Variants in NAV2 observed in about 807,000 individuals in gnomAD.
NAV2 encodes neuron navigator 2.
Under a neutral mutation model 223.2 loss-of-function variants are expected in NAV2, and 54 were observed. The observed-to-expected ratio is 0.24, with a 90% CI of 0.19 to 0.30. The LOEUF is 0.30. NAV2 is among the 10% of genes least tolerant of loss of function. The probability of loss-of-function intolerance (pLI) is 1.00; values close to 1 mark genes in which losing one functional copy is unlikely to be tolerated. For synonymous variants in NAV2, 1,279 were observed against 1,239.3 expected (o/e 1.03, Z -0.67); for missense variants, 2,806 against 3,147.5 (o/e 0.89, Z 2.60).
At chr11:20,111,401 G>T (rs1026634888) in intron 36 of NAV2, among the ~76,000 whole-genome samples, 10 of 152,228 alleles carry the variant, frequency 6.6e-5, no homozygotes, top group African/African-American at 1.9e-4. Flanking sequence ...GAGCTGAGGA[G>T]CTTTATGATG....
chr11:19,842,442 G>T (rs1234000777), intron 2 of NAV2, among the ~76,000 whole-genome samples: 1 of 152,202 alleles, frequency 6.6e-6, no homozygotes, highest in Non-Finnish European at 1.5e-5. Flanking sequence ...CAAAGATGGA[G>T]TGAGATGCTT....
At chr11:19,449,089 AT>A (rs1019123897) in intron 1 of NAV2, among the ~76,000 whole-genome samples, 3 of 152,100 alleles carry the variant, frequency 2.0e-5, no homozygotes, top group Non-Finnish European at 2.9e-5. Flanking sequence ...TTGAGCGATT[AT>A]TTTTGGTTCT....
chr11:19,847,449 G>A (rs1351008256), intron 3 of NAV2, among the ~76,000 whole-genome samples: 3 of 152,152 alleles, frequency 2.0e-5, no homozygotes, highest in Non-Finnish European at 4.4e-5. Flanking sequence ...GCTTCCTCCT[G>A]GGCTCTTCAA....
At chr11:19,723,224 T>C (rs1189147097) in intron 1 of NAV2, among the ~76,000 whole-genome samples, 7 of 152,202 alleles carry the variant, frequency 4.6e-5, no homozygotes, top group Admixed American at 4.6e-4. Flanking sequence ...ACAGCAACCA[T>C]TTATGTGCCA....
intron 5 of NAV2, among the ~76,000 whole-genome samples, chr11:19,887,584 T>C (rs945147641): frequency 1.3e-5 from 2 of 152,140 alleles, no homozygotes; most frequent in African/African-American, 4.8e-5. Context: ...ATTAATAAAG[T>C]CTTTCCTTAG....
intron 1 of NAV2, among the ~76,000 whole-genome samples, chr11:19,352,697 T>C (rs1354269): frequency 0.41 from 61,822 of 152,118 alleles, 12,677 homozygotes; most frequent in East Asian, 0.58. Flanking sequence ...CTCTCACTTG[T>C]GCTGGCAAAA....
intron 10 of NAV2, among the ~76,000 whole-genome samples, chr11:19,949,787 C>A (rs2047234450): frequency 6.6e-6 from 1 of 152,226 alleles, no homozygotes; most frequent in Non-Finnish European, 1.5e-5. Flanking sequence ...AAAGCAAGGA[C>A]TTGTCTTGCG....
chr11:19,428,671 T>C (rs1396903558), intron 1 of NAV2, among the ~76,000 whole-genome samples: 1 of 152,220 alleles, frequency 6.6e-6, no homozygotes, highest in Non-Finnish European at 1.5e-5. Context: ...TTGCTCTCTT[T>C]GGGGAAGTAC....
chr11:20,099,323 A>G (rs1169384435), intron 31 of NAV2, among the ~76,000 whole-genome samples: 1 of 152,204 alleles, frequency 6.6e-6, no homozygotes, highest in East Asian at 1.9e-4. Flanking sequence ...TTATGTCCTG[A>G]GTTCAAATTG....
rs142969351 is a variant in NAV2, at chr11:19,451,346, G to A, written c.75+100319G>A. Among the ~76,000 whole-genome samples, 72 of 152,130 alleles carry A rather than the reference G, an allele frequency of 4.7e-4. 1 individual carries two copies. The East Asian group carries it at 0.012, about 26-fold the overall frequency. On this transcript the variant is annotated intron_variant, in intron 1 of 37. Transcript: ENST00000360655. ...GTATCCCCCAAGCAGCACAGAGTTC[G>A]TCACATCACAGAAAAGGAAGCAGAT...
intron 6 of NAV2, among the ~76,000 whole-genome samples, chr11:19,894,727 T>A (rs2041808606): frequency 6.6e-6 from 1 of 152,108 alleles, no homozygotes; most frequent in Admixed American, 6.6e-5. Flanking sequence ...GAAAGGGAAG[T>A]CATACTTATT....
chr11:19,928,602 A>G (rs1269611310), intron 6 of NAV2, among the ~76,000 whole-genome samples: 1 of 152,192 alleles, frequency 6.6e-6, no homozygotes, highest in Non-Finnish European at 1.5e-5. Flanking sequence ...TTTTCATAGG[A>G]TACTAGCATT....
chr11:20,110,542 C>T (rs2062537700), intron 36 of NAV2, among the ~76,000 whole-genome samples: 1 of 152,132 alleles, frequency 6.6e-6, no homozygotes, highest in African/African-American at 2.4e-5. Context: ...CATGTCCACT[C>T]AGCAGGGTAT....
chr11:19,651,720 T>C (rs571708240), intron 1 of NAV2, among the ~76,000 whole-genome samples: 48 of 152,352 alleles, frequency 3.2e-4, no homozygotes, highest in African/African-American at 1.0e-3. Flanking sequence ...GCTCAATGCA[T>C]GGAAACTTGT....
chr11:19,524,733 A>G (rs2043790928), intron 1 of NAV2, among the ~76,000 whole-genome samples: 1 of 152,170 alleles, frequency 6.6e-6, no homozygotes. Flanking sequence ...TTAATTTCAC[A>G]TTGGGAAGTC....
chr11:19,662,876 C>T lies in NAV2; in HGVS notation c.76-169608C>T, dbSNP rs868314288. ...ATCCTTATTTCTTGGACATGGGACCCAGATGATGCCTGCTAGGGCCTTCCT... is the reference window on the plus strand; with the variant it reads ...ATCCTTATTTCTTGGACATGGGACCTAGATGATGCCTGCTAGGGCCTTCCT... On this transcript the variant is annotated intron_variant, in intron 1 of 37. Coordinates refer to the NAV2 transcript ENST00000360655. Among the ~76,000 whole-genome samples, 3 of 152,212 alleles carry T rather than the reference C, an allele frequency of 2.0e-5. 1 individual carries two copies. The highest frequency in any genetic ancestry group is 1.3e-4 in the Admixed American group (2 of 15,288).
chr11:20,014,733 C>G (rs1363995968), intron 11 of NAV2, among the ~76,000 whole-genome samples: 1 of 152,136 alleles, frequency 6.6e-6, no homozygotes, highest in Admixed American at 6.6e-5. Flanking sequence ...GAAACCCTCT[C>G]TCTACTAAAA....
intron 6 of NAV2, among the ~76,000 whole-genome samples, chr11:19,899,804 G>T (rs772509304): frequency 1.3e-5 from 2 of 152,176 alleles, no homozygotes; most frequent in Admixed American, 1.3e-4. Context: ...AGAATGACTT[G>T]TCCTGCCCTT....
chr11:20,065,676 A>G (rs558889064), intron 20 of NAV2, among the ~76,000 whole-genome samples: 87 of 152,154 alleles, frequency 5.7e-4, no homozygotes, highest in Non-Finnish European at 1.1e-3. Flanking sequence ...TTGGGGCCCA[A>G]CCCCAGAGAC....
Sources: gnomAD v4.1 joint callset for allele counts (sites outside exome capture counted in the v4.1 genomes callset) on GRCh38, gnomAD v4.1.1 for gene constraint, MANE v1.5 for transcripts, NCBI Gene and HGNC (gene_info 2026-07-23, HGNC 2026-07-21) for gene names.